NIPBL: variants seen among roughly 807,000 people sequenced by gnomAD.
NIPBL encodes the protein nipped-B-like protein.
NIPBL carries 19 observed loss-of-function variants against 321.8 expected under a neutral mutation model. The observed-to-expected ratio is 0.06, with a 90% confidence interval of 0.04 to 0.09. NIPBL has a LOEUF of 0.09. Among genes scored for constraint, NIPBL ranks in the 10% least tolerant of loss-of-function variants. The pLI, the probability that NIPBL is intolerant of heterozygous loss-of-function variation, is 1.00. For synonymous variants in NIPBL, 1,106 were observed against 1,114.1 expected, an observed-to-expected ratio of 0.99 and a Z score of 0.14; for missense variants, 2,210 against 3,327.0, an observed-to-expected ratio of 0.66 and a Z score of 8.26.
At chr5:37,042,905 A>G (rs1420935237) in intron 34 of NIPBL, among the ~76,000 whole-genome samples, 3 of 151,588 alleles carry the variant, frequency 2.0e-5, no homozygotes, top group African/African-American at 7.3e-5. Context: ...GCGCGCACAC[A>G]CACACACACA....
intron 1 of NIPBL, among the ~76,000 whole-genome samples, chr5:36,892,515 A>G (rs1435663522): frequency 6.6e-6 from 1 of 152,292 alleles, no homozygotes; most frequent in Non-Finnish European, 1.5e-5. Context: ...ACTATTCACA[A>G]TAGCAAAGAC....
rs376878839 is a variant in NIPBL at position 37,059,242 on chromosome 5, C to T, written c.7685+77C>T. On this transcript the variant is annotated intron_variant, in intron 44 of 46. Transcript: ENST00000282516. ...AATATTTGGGCTGGGTGTGGTGGCT[C>T]ATGCCTGTAATCCCAACATTTTGGG... is the stretch of plus-strand genomic sequence containing the variant. 8.0e-4 allele frequency: 1,201 copies of T among 1,509,350 alleles called. 13 individuals carry two copies. In the South Asian group the frequency reaches 9.5e-3, roughly 12 times the overall value. 93.5% of individuals were successfully genotyped at this position (1,509,350 alleles called of 1,614,324 possible). A position where few individuals can be genotyped will look rare whatever the true frequency, so the allele number is the denominator to read the frequency against.
rs2149603006 is a variant in NIPBL at position 36,958,189 on chromosome 5, G to A, written c.316G>A (p.Val106Ile). 2.5e-6 allele frequency: 4 copies of A among 1,613,950 alleles called. No individual in the cohort carries two copies. The highest frequency in any genetic ancestry group is 3.4e-6 in the Non-Finnish European group (4 of 1,179,946). The change falls in exon 4 of 47, where the codon GTT becomes ATT. Residue 106 changes from valine (V) to isoleucine (I), a missense_variant. Physicochemically the swap from Val to Ile is conservative, Grantham distance 29. Transcript: ENST00000282516. The part of the protein sequence containing the change: ...LQAVLARSPN[V>I]FREKSMQNRY... ...GGCCGTCCTGGCAAGGAGTCCTAAT[G>A]TTTTCAGGGAGAAAAGCATGCAGAA...
chr5:36,921,750 A>T (rs1439900565), intron 1 of NIPBL, among the ~76,000 whole-genome samples: 2 of 152,186 alleles, frequency 1.3e-5, no homozygotes, highest in Non-Finnish European at 2.9e-5. Context: ...CACAGAATTG[A>T]TTGTTGCTTA....
At chr5:36,948,570 G>T (rs1739938858) in intron 1 of NIPBL, among the ~76,000 whole-genome samples, 1 of 151,804 alleles carries the variant, frequency 6.6e-6, no homozygotes, top group Non-Finnish European at 1.5e-5. Context: ...CTCATTTTTA[G>T]TGTATTCAAA....
chr5:37,024,116 G>C (rs939200921), intron 29 of NIPBL, among the ~76,000 whole-genome samples: 5 of 151,598 alleles, frequency 3.3e-5, no homozygotes, highest in Non-Finnish European at 7.4e-5. Flanking sequence ...AGTGAGCTGA[G>C]ATCGCACCAT....
chr5:37,006,369 G>A lies in NIPBL; in HGVS notation c.3868G>A (p.Glu1290Lys), dbSNP rs587783935. 6 of 1,569,368 alleles carry A rather than the reference G, an allele frequency of 3.8e-6. No homozygotes were observed. The highest frequency in any genetic ancestry group is 1.4e-5 in the African/African-American group (1 of 73,988). The part of the protein sequence containing the change: ...STLLNHNNDT[E>K]EEERLWRDLI... ...TACTGTTTTACAGAATAACGATACT[G>A]AAGAAGAAGAAAGGTTATGGAGAGA... is the stretch of plus-strand genomic sequence containing the variant. The change falls in exon 17 of 47, where the codon GAA (glutamate) becomes AAA (lysine). Residue 1290 changes from glutamate (E) to lysine (K), a missense_variant. Coordinates refer to ENST00000282516, the MANE Select transcript of NIPBL (RefSeq NM_133433.4).
At chr5:36,977,997 A>G (rs1743692026) in intron 9 of NIPBL, among the ~76,000 whole-genome samples, 1 of 152,018 alleles carries the variant, frequency 6.6e-6, no homozygotes, top group Non-Finnish European at 1.5e-5. Context: ...TTGTTTATCC[A>G]GTCCACTCCT....
intron 1 of NIPBL, 51 bp from the exon 2 acceptor site, chr5:36,953,567 T>C: frequency 1.3e-6 from 1 of 799,142 alleles, no homozygotes; most frequent in Non-Finnish European, 2.2e-6. Context: ...TTCCTGATAG[T>C]AATATATCTG....
intron 37 of NIPBL, 101 bp from the exon 38 acceptor site, chr5:37,046,008 C>A: frequency 1.5e-6 from 1 of 686,036 alleles, no homozygotes; most frequent in Non-Finnish European, 2.6e-6. Flanking sequence ...TAATAAAGTT[C>A]ACACAAATTC....
intron 1 of NIPBL, among the ~76,000 whole-genome samples, chr5:36,945,929 AT>A (rs1475818673): frequency 1.3e-5 from 2 of 152,174 alleles, no homozygotes; most frequent in Non-Finnish European, 2.9e-5. Context: ...CCTATTTAAA[AT>A]AGTAAGTAGT....
intron 1 of NIPBL, among the ~76,000 whole-genome samples, chr5:36,950,147 G>A (rs1188157736): frequency 1.3e-5 from 2 of 151,888 alleles, no homozygotes; most frequent in Non-Finnish European, 2.9e-5. Flanking sequence ...AGGTGAGCAG[G>A]CCCAAGACTA....
intron 3 of NIPBL, 39 bp downstream of exon 3, chr5:36,955,676 G>A: frequency 1.3e-6 from 2 of 1,571,604 alleles, no homozygotes; most frequent in African/African-American, 1.3e-5. Context: ...TAAGTGAAAA[G>A]TTTTGGCCTT....
At chr5:36,978,925 C>G (rs989905929) in intron 9 of NIPBL, among the ~76,000 whole-genome samples, 4 of 151,936 alleles carry the variant, frequency 2.6e-5, no homozygotes, top group Non-Finnish European at 4.4e-5. Context: ...TCTGGGTTCT[C>G]TATCCTGTTC....
intron 1 of NIPBL, among the ~76,000 whole-genome samples, chr5:36,952,822 A>G (rs1250592431): frequency 1.3e-5 from 2 of 152,230 alleles, no homozygotes; most frequent in Non-Finnish European, 2.9e-5. Flanking sequence ...AAGTACATGA[A>G]CATTAAGTAA....
chr5:37,050,719 C>T (rs1753447413), intron 40 of NIPBL, among the ~76,000 whole-genome samples: 1 of 152,128 alleles, frequency 6.6e-6, no homozygotes, highest in Non-Finnish European at 1.5e-5. Context: ...TCTTACAAAA[C>T]CGTAATATAA....
chr5:37,036,311 T>C (rs1751672760), intron 32 of NIPBL, 68 bp from the exon 33 acceptor site: 1 of 339,688 alleles, frequency 2.9e-6, no homozygotes, highest in Admixed American at 5.2e-5. Flanking sequence ...TGAATAATTA[T>C]ACCGGGATTT....
intron 42 of NIPBL, among the ~76,000 whole-genome samples, chr5:37,055,085 A>G (rs1753956066): frequency 6.6e-6 from 1 of 152,198 alleles, no homozygotes; most frequent in Non-Finnish European, 1.5e-5. Flanking sequence ...GTGGTGCCTC[A>G]TGCCTGTAAC....
chr5:36,881,554 C>T (rs1745504307), intron 1 of NIPBL, among the ~76,000 whole-genome samples: 1 of 151,916 alleles, frequency 6.6e-6, no homozygotes, highest in African/African-American at 2.4e-5. Context: ...AGATGAGGAA[C>T]CTGAGGCTGG....
Sources: allele counts gnomAD v4.1 joint callset (sites outside exome capture counted in the v4.1 genomes callset), GRCh38; gene constraint gnomAD v4.1.1; transcripts MANE v1.5; gene names NCBI Gene and HGNC (gene_info 2026-07-23, HGNC 2026-07-21).